The following KHDRBS2 variants were observed in gnomAD, a reference collection of about 807,000 sequenced individuals.
The protein encoded by KHDRBS2 is KH RNA binding domain containing, signal transduction associated 2.
KHDRBS2 carries 26 observed loss-of-function variants against 44.3 expected under a neutral mutation model. The ratio of observed to expected loss-of-function variants is 0.59; its 90% CI spans 0.43 to 0.81. The LOEUF is 0.81. Among genes scored for constraint, KHDRBS2 ranks in the 40% least tolerant of loss-of-function variants. KHDRBS2 has a pLI of 0.00. For synonymous variants in KHDRBS2, 194 were observed against 151.1 expected (o/e 1.28, Z -2.08); for missense variants, 476 against 433.1 (o/e 1.10, Z -0.88).
intron 6 of KHDRBS2, among the ~76,000 whole-genome samples, chr6:61,752,006 G>A (rs551878518): frequency 1.4e-4 from 22 of 151,964 alleles, no homozygotes; most frequent in African/African-American, 4.3e-4. Context: ...TCCAATTAGG[G>A]TCCTGCCTAA....
chr6:61,799,935 A>G (rs376719133), intron 6 of KHDRBS2, among the ~76,000 whole-genome samples: 1 of 152,138 alleles, frequency 6.6e-6, no homozygotes, highest in South Asian at 2.1e-4. Flanking sequence ...GCATCAAAAC[A>G]CATGATATCT....
At position 62,024,043 on chromosome 6, in the gene KHDRBS2, T is replaced by A. The variant is rs542024222; in HGVS notation, c.336+23835A>T. ...ATTTGTTAAACATTCAATCCCAATA[T>A]AAAAAAAAGTTAAATATGTATACAA... On this transcript the variant is annotated intron_variant, in intron 3 of 8. Transcript: ENST00000281156. Among the ~76,000 whole-genome samples, 4 of 150,966 alleles carry A rather than the reference T, an allele frequency of 2.6e-5. No individual in the cohort carries two copies. In the South Asian group the frequency reaches 8.3e-4, roughly 31 times the overall value.
intron 6 of KHDRBS2, among the ~76,000 whole-genome samples, chr6:61,874,718 ATTGAGTAGAGG>A (rs1474223772): frequency 1.3e-5 from 2 of 152,112 alleles, no homozygotes; most frequent in African/African-American, 4.8e-5. Context: ...AATCAAGGAA[ATTGAGTAGAGG>A]TTAGCTTAGA....
rs1340259428 is a variant in KHDRBS2, at chr6:61,970,815, A to G, written c.483+7251T>C. Among the ~76,000 whole-genome samples, 4 of 152,264 alleles carry G rather than the reference A, an allele frequency of 2.6e-5. No individual in the cohort carries two copies. The East Asian group carries it at 7.7e-4, about 29-fold the overall frequency. On this transcript the variant is annotated intron_variant, in intron 4 of 8. Transcript: ENST00000281156. The stretch of plus-strand genomic sequence containing the variant: ...CTTTTCACAAAGCTCTTGGAGCACT[A>G]AAAGCTGGAGACTGTACAAGGAGAT...
At chr6:61,875,206 G>T (rs951771693) in intron 6 of KHDRBS2, among the ~76,000 whole-genome samples, 4 of 151,932 alleles carry the variant, frequency 2.6e-5, no homozygotes, top group Admixed American at 1.3e-4. Flanking sequence ...GAGAGAGAGA[G>T]AGAGAGAGTG....
At chr6:61,600,367 A>G in the KHDRBS2 span, among the ~76,000 whole-genome samples, 1 of 152,158 alleles carries the variant, frequency 6.6e-6, no homozygotes, top group Non-Finnish European at 1.5e-5. Flanking sequence ...AAGTGATGAC[A>G]TTACCATGTG....
the KHDRBS2 span, among the ~76,000 whole-genome samples, chr6:61,543,302 A>G: frequency 6.6e-6 from 1 of 152,056 alleles, no homozygotes; most frequent in Non-Finnish European, 1.5e-5. Flanking sequence ...TGAGCAAAAG[A>G]TCTCAGTAGA....
chr6:61,730,013 T>C (rs1326746354), intron 7 of KHDRBS2, among the ~76,000 whole-genome samples: 1 of 152,154 alleles, frequency 6.6e-6, no homozygotes, highest in Admixed American at 6.6e-5. Flanking sequence ...TAATAAGAAC[T>C]CTAGTGTGTA....
At chr6:62,117,152 AT>A (rs201911104) in intron 2 of KHDRBS2, among the ~76,000 whole-genome samples, 23 of 151,162 alleles carry the variant, frequency 1.5e-4, no homozygotes, top group Middle Eastern at 3.4e-3. Flanking sequence ...ATCTAGTTTT[AT>A]TTTTTTTTGA....
chr6:61,571,105 C>T, the KHDRBS2 span, among the ~76,000 whole-genome samples: 1 of 151,896 alleles, frequency 6.6e-6, no homozygotes, highest in Admixed American at 6.6e-5. Flanking sequence ...CCTAAATGAG[C>T]CACTTAAAAG....
chr6:61,852,253 T>C (rs1357816546), intron 6 of KHDRBS2, among the ~76,000 whole-genome samples: 1 of 150,840 alleles, frequency 6.6e-6, no homozygotes, highest in Non-Finnish European at 1.5e-5. Context: ...TAAAATGAAG[T>C]AAACCAGAAA....
chr6:62,116,620 G>C (rs372352659), intron 2 of KHDRBS2, among the ~76,000 whole-genome samples: 44 of 152,014 alleles, frequency 2.9e-4, no homozygotes, highest in African/African-American at 1.0e-3. Flanking sequence ...ACATTCTAAA[G>C]CTTATGTTTT....
chr6:62,015,628 C>T (rs1414594859), intron 3 of KHDRBS2, among the ~76,000 whole-genome samples: 1 of 152,130 alleles, frequency 6.6e-6, no homozygotes, highest in Non-Finnish European at 1.5e-5. Context: ...TTTCTACTCA[C>T]TAACTCCACC....
chr6:61,666,692 G>A, the KHDRBS2 span, among the ~76,000 whole-genome samples: 1 of 151,232 alleles, frequency 6.6e-6, no homozygotes, highest in African/African-American at 2.4e-5. Context: ...TATTGAAAAA[G>A]CTTTTTTTCT....
downstream of KHDRBS2, among the ~76,000 whole-genome samples, chr6:61,679,111 G>A (rs1766103627): frequency 6.6e-6 from 1 of 151,870 alleles, no homozygotes; most frequent in African/African-American, 2.4e-5. Flanking sequence ...GCCTAAGCTG[G>A]TTAGCAGCAA....
chr6:61,544,417 T>C, the KHDRBS2 span, among the ~76,000 whole-genome samples: 4 of 152,064 alleles, frequency 2.6e-5, no homozygotes, highest in African/African-American at 9.7e-5. Context: ...TTAAAATCAT[T>C]TTTAAAAATT....
intron 4 of KHDRBS2, among the ~76,000 whole-genome samples, chr6:61,923,810 G>T (rs183396736): frequency 6.6e-6 from 1 of 152,136 alleles, no homozygotes; most frequent in East Asian, 1.9e-4. Flanking sequence ...GGAGGTTCTG[G>T]CTAATTGAAC....
At chr6:61,633,776 T>C in the KHDRBS2 span, among the ~76,000 whole-genome samples, 1 of 146,808 alleles carries the variant, frequency 6.8e-6, no homozygotes, top group Non-Finnish European at 1.5e-5. Flanking sequence ...TAAAAGAGTA[T>C]ATATTAATAT....
At chr6:62,153,858 T>C (rs1232784796) in intron 2 of KHDRBS2, among the ~76,000 whole-genome samples, 10 of 152,168 alleles carry the variant, frequency 6.6e-5, no homozygotes, top group Admixed American at 2.0e-4. Context: ...CCTAAAGCAT[T>C]CACAGTATGA....
Sources: allele counts gnomAD v4.1 joint callset (sites outside exome capture counted in the v4.1 genomes callset), GRCh38; gene constraint gnomAD v4.1.1; transcripts MANE v1.5; gene names NCBI Gene and HGNC (gene_info 2026-07-23, HGNC 2026-07-21).